MTR: variants seen among roughly 807,000 people sequenced by gnomAD.
The protein encoded by MTR is 5-methyltetrahydrofolate-homocysteine methyltransferase, also known as methionine synthase.
Under a neutral mutation model 154.8 loss-of-function variants are expected in MTR, and 84 were observed. The ratio of observed to expected loss-of-function variants is 0.54; its 90% CI spans 0.45 to 0.65. MTR has a LOEUF of 0.65. Ranked by LOEUF, MTR falls within the 30% of genes least tolerant of loss-of-function variation. The pLI, the probability that MTR is intolerant of heterozygous loss-of-function variation, is 0.00. For synonymous variants in MTR, 554 were observed against 553.9 expected (o/e 1.00, Z 0.00); for missense variants, 1,275 against 1,570.2 (o/e 0.81, Z 3.18).
At chr1:236,836,949 GT>G (rs1056817756) in intron 14 of MTR, among the ~76,000 whole-genome samples, 1 of 152,132 alleles carries the variant, frequency 6.6e-6, no homozygotes, top group African/African-American at 2.4e-5. Flanking sequence ...TTTGTGAATT[GT>G]AAAGATGCAA....
At chr1:236,809,428 C>T (rs4659723) in intron 4 of MTR, among the ~76,000 whole-genome samples, 16,170 of 152,204 alleles carry the variant, frequency 0.11, 1,123 homozygotes, top group South Asian at 0.17. Context: ...TATGTAGCCC[C>T]TTAAGACTTG....
At chr1:236,835,894 C>T (rs1301279358) in intron 14 of MTR, among the ~76,000 whole-genome samples, 4 of 152,140 alleles carry the variant, frequency 2.6e-5, no homozygotes, top group African/African-American at 9.7e-5. Flanking sequence ...GCTGTGGCTT[C>T]AGCCTGGCTG....
intron 8 of MTR, among the ~76,000 whole-genome samples, chr1:236,819,318 G>A (rs1347837220): frequency 6.6e-6 from 1 of 152,156 alleles, no homozygotes; most frequent in African/African-American, 2.4e-5. Context: ...TAGTTTTGCT[G>A]TTTCCAGAAT....
At position 236,835,580 on chromosome 1, in the gene MTR, A is replaced by G. The variant is rs1225305753; in HGVS notation, c.1222A>G (p.Met408Val). The G allele has an allele frequency of 1.9e-6, 3 of 1,611,172 alleles. No individual in the cohort carries two copies. Among genetic ancestry groups the G allele is most frequent in the Admixed American group, 3.4e-5 (2 of 59,552 alleles). The change falls in exon 14 of 33, where the codon ATG becomes GTG. Residue 408 changes from methionine to valine, a missense_variant. Met to Val is a conservative substitution (Grantham distance 21, BLOSUM62 1). Coordinates refer to ENST00000366577, the MANE Select transcript of MTR (RefSeq NM_000254.3). ...GTGTGTTGCCAAAGTGCAGGTGGAAATGGGAGCCCAGGTGTTGGATGTCAA... is the reference window on the plus strand; with the variant it reads ...GTGTGTTGCCAAAGTGCAGGTGGAAGTGGGAGCCCAGGTGTTGGATGTCAA... ...ALCVAKVQVE[M>V]GAQVLDVNMD...
intron 27 of MTR, among the ~76,000 whole-genome samples, chr1:236,887,725 C>T (rs1319106735): frequency 6.6e-6 from 1 of 152,222 alleles, no homozygotes; most frequent in South Asian, 2.1e-4. Context: ...GAGGGCTGGC[C>T]CTCTGAAATA....
chr1:236,797,487 A>G (rs1186696376), intron 1 of MTR, among the ~76,000 whole-genome samples: 2 of 152,156 alleles, frequency 1.3e-5, no homozygotes, highest in African/African-American at 2.4e-5. Flanking sequence ...TTGGAACTCA[A>G]TTGATGAGTG....
intron 24 of MTR, among the ~76,000 whole-genome samples, chr1:236,876,871 A>G (rs932892160): frequency 2.0e-5 from 3 of 152,188 alleles, no homozygotes; most frequent in Non-Finnish European, 2.9e-5. Flanking sequence ...CGAAATATCT[A>G]TTCTCATTGT....
chr1:236,862,300 A>C lies in MTR; in HGVS notation c.2261A>C (p.Glu754Ala). Reference protein sequence around the residue: ...VGHLIPFMEKEREETRVLNGT... With the variant: ...VGHLIPFMEKAREETRVLNGT... ...CACCTTATCCCTTTCATGGAAAAAG[A>C]AAGAGAAGAAACCAGAGTGCTTAAC... Residue 754 changes from glutamate (E) to alanine (A), a missense_variant, in exon 21 of 33, where the codon GAA becomes GCA. Transcript: ENST00000366577. The C allele has an allele frequency of 6.2e-7, 1 of 1,614,046 alleles. No individual in the cohort carries two copies. Among genetic ancestry groups the C allele is most frequent in the Non-Finnish European group, 8.5e-7 (1 of 1,179,926 alleles).
In MTR at chr1:236,806,170, C is replaced by T. The variant is rs763900581; in HGVS notation, c.276C>T (p.Ile92=). Residue 92 remains isoleucine (I), a synonymous_variant, in exon 3 of 33, where the codon ATC becomes ATT. Coordinates refer to ENST00000366577, the MANE Select transcript of MTR (RefSeq NM_000254.3). The stretch of plus-strand genomic sequence containing the variant: ...AATACTTGCTGGCTGGGGCAGATAT[C>T]ATTGAAACAAATACTTTTAGCAGCA... ...HKEYLLAGAD[I]IETNTFSSTS... The T allele has an allele frequency of 1.2e-6, 2 of 1,614,130 alleles. No homozygotes were observed. The highest frequency in any genetic ancestry group is 3.3e-5 in the Admixed American group (2 of 60,012).
At chr1:236,852,232 A>G (rs571964362) in intron 16 of MTR, among the ~76,000 whole-genome samples, 30 of 150,116 alleles carry the variant, frequency 2.0e-4, no homozygotes, top group African/African-American at 3.7e-4. Context: ...TTCAGTGAAT[A>G]AGGAATTCCT....
At chr1:236,847,572 C>T (rs1015378625) in intron 15 of MTR, among the ~76,000 whole-genome samples, 2 of 152,200 alleles carry the variant, frequency 1.3e-5, no homozygotes, top group African/African-American at 4.8e-5. Flanking sequence ...TTATTCCTTC[C>T]TTCTTGCTGC....
At chr1:236,837,586 A>G (rs1035275886) in intron 14 of MTR, among the ~76,000 whole-genome samples, 1 of 152,180 alleles carries the variant, frequency 6.6e-6, no homozygotes, top group African/African-American at 2.4e-5. Flanking sequence ...TTAATTATTT[A>G]TTGAATGGCT....
At chr1:236,861,005 C>A (rs967736304) in intron 19 of MTR, 120 bp from the exon 20 acceptor site, 1 of 844,226 alleles carries the variant, frequency 1.2e-6, no homozygotes. Context: ...ATGCACTCTG[C>A]TTCTGGAACC....
At chr1:236,866,011 G>GACTTCGTAATATGTC (rs1664802490) in intron 22 of MTR, among the ~76,000 whole-genome samples, 1 of 152,152 alleles carries the variant, frequency 6.6e-6, no homozygotes, top group Non-Finnish European at 1.5e-5. Context: ...TAAAAGCTGG[G>GACTTCGTAATATGTC]ACTTCGTAAT....
In MTR at chr1:236,795,538, G is replaced by C; in HGVS notation, c.-166G>C. 6.5e-7 allele frequency: 1 copy of C among 1,533,576 alleles called. No homozygotes were observed. Among genetic ancestry groups the C allele is most frequent in the East Asian group, 2.5e-5 (1 of 40,766 alleles). The allele number at this position is 1,533,576 out of a possible 1,614,324, so 95.0% of individuals were successfully genotyped here. ...GGCCCTAGGGCGCTGCGGGCTTTCG[G>C]GGTCCGCAGTCCCCCCGCGACGCGA... On this transcript the variant is annotated 5_prime_UTR_variant, in exon 1 of 33. Coordinates refer to ENST00000366577, the MANE Select transcript of MTR (RefSeq NM_000254.3).
intron 5 of MTR, chr1:236,811,759 T>C: frequency 2.2e-6 from 1 of 453,990 alleles, no homozygotes; most frequent in Non-Finnish European, 4.4e-6. Flanking sequence ...TTAAGCAAAA[T>C]GATGCATAGC....
At chr1:236,879,596 C>T (rs1262693377) in intron 24 of MTR, among the ~76,000 whole-genome samples, 2 of 152,144 alleles carry the variant, frequency 1.3e-5, no homozygotes, top group African/African-American at 2.4e-5. Flanking sequence ...ACACAATTCT[C>T]CTCCCTCTCC....
chr1:236,859,300 C>T (rs967014207), intron 18 of MTR, among the ~76,000 whole-genome samples: 4 of 152,218 alleles, frequency 2.6e-5, no homozygotes, highest in South Asian at 2.1e-4. Context: ...GTCATAAATT[C>T]GTTAATCCAT....
At chr1:236,861,745 A>G (rs1664556467) in intron 20 of MTR, among the ~76,000 whole-genome samples, 1 of 152,252 alleles carries the variant, frequency 6.6e-6, no homozygotes, top group Non-Finnish European at 1.5e-5. Context: ...AGCAGCTGCT[A>G]ACCACATCAG....
Sources: gnomAD v4.1 joint callset for allele counts (sites outside exome capture counted in the v4.1 genomes callset) on GRCh38, gnomAD v4.1.1 for gene constraint, MANE v1.5 for transcripts, NCBI Gene and HGNC (gene_info 2026-07-23, HGNC 2026-07-21) for gene names.